PPP2R5D: variants seen among roughly 807,000 people sequenced by gnomAD.
PPP2R5D encodes the protein protein phosphatase 2 regulatory subunit B'delta.
Under a neutral mutation model 79.1 loss-of-function variants are expected in PPP2R5D, and 12 were observed. The ratio of observed to expected loss-of-function variants is 0.15; its 90% CI spans 0.10 to 0.25. PPP2R5D has a LOEUF of 0.25. PPP2R5D is among the 10% of genes least tolerant of loss of function. PPP2R5D has a pLI of 1.00. For synonymous variants in PPP2R5D, 277 were observed against 286.6 expected (o/e 0.97, Z 0.34); for missense variants, 419 against 760.2 (o/e 0.55, Z 5.28).
At position 43,008,571 on chromosome 6, in the gene PPP2R5D, C is replaced by A; in HGVS notation, c.1026+96C>A. On this transcript the variant is annotated intron_variant, in intron 9 of 15. Coordinates refer to ENST00000485511, the MANE Select transcript of PPP2R5D (RefSeq NM_006245.4). This position sits in a 1 kb window ranked among gnomAD's most constrained non-coding sequence, Gnocchi z 4.2. Reference sequence around the variant, plus strand: ...GCTGGGATAGGGGAAGCATAGGGAGCAGGTGGGATAATTCCTTCCCTCCAT... The same window carrying A: ...GCTGGGATAGGGGAAGCATAGGGAGAAGGTGGGATAATTCCTTCCCTCCAT... 6.9e-7 allele frequency: 1 copy of A among 1,459,334 alleles called. No homozygotes were observed. The highest frequency in any genetic ancestry group is 1.7e-4 in the Middle Eastern group (1 of 5,774). 90.4% of individuals were successfully genotyped at this position (1,459,334 alleles called of 1,614,324 possible). A position where few individuals can be genotyped will look rare whatever the true frequency, so the allele number is the denominator to read the frequency against.
In PPP2R5D at chr6:43,011,473, GTT is replaced by G; in HGVS notation, c.*188_*189del. 1.3e-6 allele frequency: 1 copy of G among 745,176 alleles called. No individual in the cohort carries two copies. Among genetic ancestry groups the G allele is most frequent in the Non-Finnish European group, 2.1e-6 (1 of 469,544 alleles). The allele number at this position is 745,176 out of a possible 1,614,324, so 46.2% of individuals were successfully genotyped here. A position where few individuals can be genotyped will look rare whatever the true frequency, so the allele number is the denominator to read the frequency against. ...ATGGTCCCTCTTCTCCCCAAAAGGT[GTT>G]CATGCCTCCCTGTGGCTAGTACAGG... On this transcript the variant is annotated 3_prime_UTR_variant, in exon 16 of 16. Transcript: ENST00000485511.
At chr6:42,986,105 T>A (rs1407420978) in intron 1 of PPP2R5D, among the ~76,000 whole-genome samples, 1 of 152,092 alleles carries the variant, frequency 6.6e-6, no homozygotes, top group Non-Finnish European at 1.5e-5. Flanking sequence ...GTTGCCTTCT[T>A]TCACCTTCCT....
In PPP2R5D at chr6:43,008,799, C is replaced by A; in HGVS notation, c.1080+53C>A. 2.6e-6 allele frequency: 4 copies of A among 1,555,940 alleles called. No individual in the cohort carries two copies. The highest frequency in any genetic ancestry group is 1.8e-6 in the Non-Finnish European group (2 of 1,130,404). On this transcript the variant is annotated intron_variant, in intron 10 of 15. Coordinates refer to ENST00000485511, the MANE Select transcript of PPP2R5D (RefSeq NM_006245.4). The surrounding 1 kb of genome is among the most constrained non-coding windows in gnomAD (Gnocchi z 4.2). ...CACCTCTTACTGTCAGCATCACTTGCCAGTCTGTACCTACTGGGGGTGCCA... is the reference window on the plus strand; with the variant it reads ...CACCTCTTACTGTCAGCATCACTTGACAGTCTGTACCTACTGGGGGTGCCA...
At chr6:42,995,728 C>CT (rs200983437) in intron 2 of PPP2R5D, among the ~76,000 whole-genome samples, 88 of 143,308 alleles carry the variant, frequency 6.1e-4, no homozygotes, top group Admixed American at 1.1e-3. Flanking sequence ...AATTTTTCTC[C>CT]TTTTTTTTTT....
Position 43,008,673 on chromosome 6 carries a change from T to C in PPP2R5D, c.1027-20T>C, listed in dbSNP as rs1561851307. The C allele has an allele frequency of 6.2e-7, 1 of 1,613,362 alleles. No individual in the cohort carries two copies. Among genetic ancestry groups the C allele is most frequent in the Non-Finnish European group, 8.5e-7 (1 of 1,179,348 alleles). ...TCTAGGACCTACACCTCACCTCCCT[T>C]CTACCTCACACCTTTGCAGCTGGCA... On this transcript the variant is annotated intron_variant, in intron 9 of 15. Transcript: ENST00000485511. The surrounding 1 kb of genome is among the most constrained non-coding windows in gnomAD (Gnocchi z 4.2).
chr6:42,993,755 G>C (rs1771441968), intron 2 of PPP2R5D, among the ~76,000 whole-genome samples: 1 of 152,096 alleles, frequency 6.6e-6, no homozygotes, highest in African/African-American at 2.4e-5. Flanking sequence ...TTGGACTTAG[G>C]TTTCACCCCA....
rs372019096 is a variant in PPP2R5D at position 43,003,458 on chromosome 6, A to C, written c.106-3005A>C. Among the ~76,000 whole-genome samples the C allele has an allele frequency of 7.2e-5, 11 of 152,246 alleles. No homozygotes were observed. The South Asian group carries it at 2.3e-3, about 32-fold the overall frequency. Reference sequence around the variant, plus strand: ...AATAAAATAAAAATAAAAAGAGATAATTTTAAAAATTAGCTGCATTTCTCC... The same window carrying C: ...AATAAAATAAAAATAAAAAGAGATACTTTTAAAAATTAGCTGCATTTCTCC... On this transcript the variant is annotated intron_variant, in intron 2 of 15. Transcript: ENST00000485511.
At chr6:42,988,114 C>T (rs541530766) in intron 1 of PPP2R5D, among the ~76,000 whole-genome samples, 13 of 152,270 alleles carry the variant, frequency 8.5e-5, no homozygotes, top group South Asian at 2.1e-4. Flanking sequence ...TCTTCCTCCC[C>T]ACCTCCAAGA....
At chr6:42,990,980 G>A (rs1771224034) in intron 2 of PPP2R5D, among the ~76,000 whole-genome samples, 1 of 152,118 alleles carries the variant, frequency 6.6e-6, no homozygotes, top group Non-Finnish European at 1.5e-5. Context: ...CCAAAGTGCT[G>A]GGATTACAGG....
chr6:43,005,548 C>T (rs1762027989), intron 2 of PPP2R5D, among the ~76,000 whole-genome samples: 1 of 152,014 alleles, frequency 6.6e-6, no homozygotes, highest in Non-Finnish European at 1.5e-5. Context: ...TCAAGTAATC[C>T]TCCTGCTTTG....
In PPP2R5D at chr6:43,010,608, C is replaced by T; in HGVS notation, c.1481+39C>T. 6.2e-7 allele frequency: 1 copy of T among 1,612,590 alleles called. No homozygotes were observed. The highest frequency in any genetic ancestry group is 1.1e-5 in the South Asian group (1 of 91,042). ...TCCCCGGGAGACTTTCATCTTCTAC[C>T]ACCAGCTCACTGTGTTTCTCTCAAG... On this transcript the variant is annotated intron_variant, in intron 13 of 15. Coordinates refer to ENST00000485511, the MANE Select transcript of PPP2R5D (RefSeq NM_006245.4). This position sits in a 1 kb window ranked among gnomAD's most constrained non-coding sequence, Gnocchi z 4.7.
rs1287993879 is a variant in PPP2R5D, at chr6:43,001,938, A to C, written c.106-4525A>C. 4.2e-3 allele frequency among the ~76,000 whole-genome samples: 639 copies of C among 151,278 alleles called. 1 individual carries two copies. Among genetic ancestry groups the C allele is most frequent in the Non-Finnish European group, 7.6e-3 (517 of 67,746 alleles). ...GTGACAGAGCCAGACTCTGTCTCAA[A>C]AAAAAAAAAAATGCTTCTTTAGTGC... is the stretch of plus-strand genomic sequence containing the variant. On this transcript the variant is annotated intron_variant, in intron 2 of 15. Coordinates refer to ENST00000485511, the MANE Select transcript of PPP2R5D (RefSeq NM_006245.4).
At chr6:43,000,594 G>T (rs1561845604) in intron 2 of PPP2R5D, among the ~76,000 whole-genome samples, 1 of 152,276 alleles carries the variant, frequency 6.6e-6, no homozygotes, top group East Asian at 1.9e-4. Context: ...TTTCTGGGAA[G>T]AATGCCCCTC....
intron 2 of PPP2R5D, among the ~76,000 whole-genome samples, chr6:42,998,797 G>T (rs1037155387): frequency 2.6e-5 from 4 of 152,200 alleles, no homozygotes; most frequent in African/African-American, 9.7e-5. Flanking sequence ...CACTTTGGGA[G>T]GCTGAGGCAG....
In PPP2R5D at chr6:43,012,077, G is replaced by A. The variant is rs189289189; in HGVS notation, c.*791G>A. The A allele has an allele frequency of 1.9e-5, 8 of 431,494 alleles. No homozygotes were observed. The highest frequency in any genetic ancestry group is 1.3e-4 in the Admixed American group (2 of 15,804). The allele number at this position is 431,494 out of a possible 1,614,324, so 26.7% of individuals were successfully genotyped here. On this transcript the variant is annotated 3_prime_UTR_variant, in exon 16 of 16. Coordinates refer to ENST00000485511, the MANE Select transcript of PPP2R5D (RefSeq NM_006245.4). The stretch of plus-strand genomic sequence containing the variant: ...AACTAGAAAGAAGGAAGCAGGGAGC[G>A]GTGCCCCAAGCATGGCTCCTGCCAA...
chr6:42,985,186 C>A (rs1770742914), intron 1 of PPP2R5D, among the ~76,000 whole-genome samples: 1 of 152,176 alleles, frequency 6.6e-6, no homozygotes, highest in Non-Finnish European at 1.5e-5. Context: ...ACGGCCCCTT[C>A]TCTTTCCATG....
intron 2 of PPP2R5D, among the ~76,000 whole-genome samples, chr6:42,990,548 C>A (rs1771181610): frequency 6.6e-6 from 1 of 151,992 alleles, no homozygotes; most frequent in Non-Finnish European, 1.5e-5. Context: ...TGATAGGTCA[C>A]CTCTAAAGAG....
In PPP2R5D at chr6:43,005,141, C is replaced by CTT. The variant is rs762415952; in HGVS notation, c.106-1307_106-1306dup. On this transcript the variant is annotated intron_variant, in intron 2 of 15. Coordinates refer to ENST00000485511, the MANE Select transcript of PPP2R5D (RefSeq NM_006245.4). Reference sequence around the variant, plus strand: ...TTGTTAAAAGTATTTGTGCACAAAGCTTTTTTTTTTTTTTTTCTTTTTGCC... The same window carrying CTT: ...TTGTTAAAAGTATTTGTGCACAAAGCTTTTTTTTTTTTTTTTTTCTTTTTGCC... Among the ~76,000 whole-genome samples, 550 of 120,040 alleles carry CTT rather than the reference C, an allele frequency of 4.6e-3. 2 individuals carry two copies. Among genetic ancestry groups the CTT allele is most frequent in the African/African-American group, 0.015 (470 of 32,336 alleles). 78.8% of individuals were successfully genotyped at this position (120,040 alleles called of 152,430 possible). A position where few individuals can be genotyped will look rare whatever the true frequency, so the allele number is the denominator to read the frequency against.
chr6:42,995,701 C>T lies in PPP2R5D; in HGVS notation c.105+6013C>T, dbSNP rs541567294. 2.0e-5 allele frequency among the ~76,000 whole-genome samples: 3 copies of T among 150,094 alleles called. No individual in the cohort carries two copies. In the East Asian group the frequency reaches 6.1e-4, roughly 30 times the overall value. On this transcript the variant is annotated intron_variant, in intron 2 of 15. Coordinates refer to ENST00000485511, the MANE Select transcript of PPP2R5D (RefSeq NM_006245.4). Reference sequence around the variant, plus strand: ...CCAAGTAGCTGGGACTACAGGCACTCACCACCACGCCCAACTAATTTTTCT... The same window carrying T: ...CCAAGTAGCTGGGACTACAGGCACTTACCACCACGCCCAACTAATTTTTCT...
Sources: allele counts gnomAD v4.1 joint callset (sites outside exome capture counted in the v4.1 genomes callset), GRCh38; gene constraint gnomAD v4.1.1; non-coding constraint Gnocchi (gnomAD v3.1); transcripts MANE v1.5; gene names NCBI Gene and HGNC (gene_info 2026-07-23, HGNC 2026-07-21).